PCDH7: variants seen among roughly 807,000 people sequenced by gnomAD.
PCDH7 encodes protocadherin-7.
PCDH7 carries 17 observed loss-of-function variants against 58.9 expected under a neutral mutation model. The ratio of observed to expected loss-of-function variants is 0.29; its 90% CI spans 0.20 to 0.43. PCDH7 has a LOEUF of 0.43. Among genes scored for constraint, PCDH7 ranks in the 20% least tolerant of loss-of-function variants. The pLI, the probability that PCDH7 is intolerant of heterozygous loss-of-function variation, is 1.00. For synonymous variants in PCDH7, 664 were observed against 616.4 expected (o/e 1.08, Z -1.14); for missense variants, 1,274 against 1,441.0 (o/e 0.88, Z 1.88).
intron 3 of PCDH7, among the ~76,000 whole-genome samples, chr4:30,966,052 C>T (rs760276874): frequency 1.3e-5 from 2 of 152,138 alleles, no homozygotes; most frequent in African/African-American, 2.4e-5. Flanking sequence ...ACATGCTATG[C>T]TGTTTCTGAC....
At chr4:31,017,824 T>C (rs1006853883) in intron 3 of PCDH7, among the ~76,000 whole-genome samples, 2 of 152,174 alleles carry the variant, frequency 1.3e-5, no homozygotes, top group African/African-American at 4.8e-5. Flanking sequence ...GATACAATGA[T>C]GATCAATAGA....
intron 3 of PCDH7, among the ~76,000 whole-genome samples, chr4:31,051,705 A>G (rs2109221426): frequency 6.6e-6 from 1 of 152,202 alleles, no homozygotes; most frequent in South Asian, 2.1e-4. Flanking sequence ...AAACCTTTAC[A>G]GCATAAAAAT....
intron 3 of PCDH7, among the ~76,000 whole-genome samples, chr4:31,041,064 C>G (rs919593510): frequency 1.3e-5 from 2 of 152,158 alleles, no homozygotes; most frequent in African/African-American, 4.8e-5. Flanking sequence ...ATTATAATCT[C>G]CATCCTTAAA....
chr4:30,943,182 C>A (rs764939470), intron 2 of PCDH7, among the ~76,000 whole-genome samples: 21 of 151,936 alleles, frequency 1.4e-4, no homozygotes, highest in South Asian at 1.2e-3. Flanking sequence ...CATTGCTGCC[C>A]TTTTCACCCT....
chr4:30,836,648 T>G (rs1215663530), intron 1 of PCDH7, among the ~76,000 whole-genome samples: 11 of 152,138 alleles, frequency 7.2e-5, no homozygotes. Flanking sequence ...GGAATAGTTT[T>G]GAAAACATGA....
At chr4:30,868,161 T>C (rs1735108859) in intron 1 of PCDH7, among the ~76,000 whole-genome samples, 1 of 152,100 alleles carries the variant, frequency 6.6e-6, no homozygotes, top group Non-Finnish European at 1.5e-5. Context: ...ATACCAACTG[T>C]TATGAATATT....
At chr4:31,010,388 T>C (rs1296731905) in intron 3 of PCDH7, among the ~76,000 whole-genome samples, 3 of 151,970 alleles carry the variant, frequency 2.0e-5, no homozygotes, top group African/African-American at 7.2e-5. Flanking sequence ...AATCTTTGCC[T>C]TTCCCTCCTT....
chr4:30,939,050 C>G (rs1235077874), intron 2 of PCDH7, among the ~76,000 whole-genome samples: 1 of 152,046 alleles, frequency 6.6e-6, no homozygotes, highest in South Asian at 2.1e-4. Context: ...TTCTAAATGT[C>G]CTTTACACCT....
chr4:31,114,518 G>A (rs1373136473), intron 3 of PCDH7, among the ~76,000 whole-genome samples: 1 of 151,796 alleles, frequency 6.6e-6, no homozygotes, highest in Non-Finnish European at 1.5e-5. Context: ...ATACAAAATT[G>A]GGCTTGTTTT....
intron 1 of PCDH7, among the ~76,000 whole-genome samples, chr4:30,770,561 C>G (rs1217561590): frequency 2.0e-5 from 3 of 152,260 alleles, no homozygotes; most frequent in Non-Finnish European, 4.4e-5. Flanking sequence ...CTTATAGATT[C>G]ATTCACTGCA....
At chr4:31,092,733 G>T (rs1713422400) in intron 3 of PCDH7, among the ~76,000 whole-genome samples, 1 of 151,834 alleles carries the variant, frequency 6.6e-6, no homozygotes, top group African/African-American at 2.4e-5. Flanking sequence ...ACCTAGAGAG[G>T]GACCAGCCTC....
At chr4:30,859,626 G>A (rs889057973) in intron 1 of PCDH7, among the ~76,000 whole-genome samples, 1 of 151,952 alleles carries the variant, frequency 6.6e-6, no homozygotes. Context: ...TTTTAGTAGA[G>A]AAGGAGTTTC....
chr4:30,891,787 T>A (rs982966521), intron 1 of PCDH7, among the ~76,000 whole-genome samples: 1 of 145,982 alleles, frequency 6.9e-6, no homozygotes, highest in Non-Finnish European at 1.5e-5. Flanking sequence ...TTTTTTTTTC[T>A]CTGTTAAGAG....
chr4:30,888,303 C>G lies in PCDH7; in HGVS notation c.71-31850C>G, dbSNP rs184185907. ...ACACACACACACATACACACACACA[C>G]AGAATCTGATAAGCCTATATATTCA... On this transcript the variant is annotated intron_variant, in intron 1 of 3. Coordinates refer to the PCDH7 transcript ENST00000509759. 3.5e-3 allele frequency among the ~76,000 whole-genome samples: 530 copies of G among 152,240 alleles called. 1 individual carries two copies. Among genetic ancestry groups the G allele is most frequent in the Middle Eastern group, 0.017 (5 of 294 alleles).
chr4:31,118,272 C>G (rs1717239006), intron 3 of PCDH7, among the ~76,000 whole-genome samples: 1 of 152,140 alleles, frequency 6.6e-6, no homozygotes, highest in Non-Finnish European at 1.5e-5. Context: ...GCTCTGCTGT[C>G]CTTATAGCAC....
At chr4:31,090,470 T>G (rs74959275) in intron 3 of PCDH7, among the ~76,000 whole-genome samples, 1 of 152,074 alleles carries the variant, frequency 6.6e-6, no homozygotes, top group African/African-American at 2.4e-5. Context: ...ATTATTTGAC[T>G]ATAGTCACCC....
At chr4:30,924,155 T>C (rs1743547125) in intron 2 of PCDH7, among the ~76,000 whole-genome samples, 1 of 152,174 alleles carries the variant, frequency 6.6e-6, no homozygotes, top group Non-Finnish European at 1.5e-5. Flanking sequence ...CATGACCTAC[T>C]TGATCTTTCC....
intron 3 of PCDH7, among the ~76,000 whole-genome samples, chr4:31,121,883 A>G (rs1273647487): frequency 6.6e-6 from 1 of 152,178 alleles, no homozygotes; most frequent in Non-Finnish European, 1.5e-5. Context: ...AGATTTTATT[A>G]TATCTTGCTC....
intron 3 of PCDH7, among the ~76,000 whole-genome samples, chr4:31,006,986 T>TG (rs1269913847): frequency 6.6e-6 from 1 of 152,102 alleles, no homozygotes; most frequent in Admixed American, 6.5e-5. Flanking sequence ...AGCCTACTAT[T>TG]GTTTATATTT....
Sources: allele counts gnomAD v4.1 joint callset (sites outside exome capture counted in the v4.1 genomes callset), GRCh38; gene constraint gnomAD v4.1.1; transcripts MANE v1.5; gene names NCBI Gene and HGNC (gene_info 2026-07-23, HGNC 2026-07-21).